UNC13C: variants seen among roughly 807,000 people sequenced by gnomAD.
UNC13C encodes protein unc-13 homolog C.
A neutral mutation model predicts 245.4 loss-of-function variants in UNC13C; 174 were observed. That is an observed-to-expected ratio of 0.71 (90% confidence interval 0.63 to 0.80). The LOEUF (loss-of-function observed/expected upper bound fraction) is 0.80, where lower values mean the gene tolerates loss of function less well. Ranked by LOEUF, UNC13C falls within the 30% of genes least tolerant of loss-of-function variation. UNC13C has a pLI of 0.00. For missense variants in UNC13C, 2,829 were observed against 2,602.9 expected (o/e 1.09, Z -1.89); for synonymous variants, 992 against 895.1 (o/e 1.11, Z -1.93).
At chr15:54,583,580 T>C (rs532674046) in intron 30 of UNC13C, among the ~76,000 whole-genome samples, 1 of 152,330 alleles carries the variant, frequency 6.6e-6, no homozygotes, top group Middle Eastern at 3.4e-3. Context: ...TTCCAATTAT[T>C]TTCAGTTCAG....
At chr15:54,419,250 G>A (rs1334696584) in intron 19 of UNC13C, among the ~76,000 whole-genome samples, 1 of 152,078 alleles carries the variant, frequency 6.6e-6, no homozygotes, top group East Asian at 1.9e-4. Flanking sequence ...ATCAGAGTAG[G>A]TATGTAATTA....
chr15:54,438,290 C>T (rs905749362), intron 19 of UNC13C, among the ~76,000 whole-genome samples: 3 of 151,866 alleles, frequency 2.0e-5, no homozygotes, highest in African/African-American at 4.8e-5. Context: ...GGCTCTGATT[C>T]CTCTACTAAA....
At chr15:54,448,367 T>A (rs12593660) in intron 19 of UNC13C, among the ~76,000 whole-genome samples, 60,492 of 151,928 alleles carry the variant, frequency 0.4, 12,333 homozygotes, top group East Asian at 0.62. Context: ...TAATGTTGAC[T>A]GTGGGGTGTT....
chr15:54,088,946 A>G (rs1473881425), intron 2 of UNC13C, among the ~76,000 whole-genome samples: 2 of 152,184 alleles, frequency 1.3e-5, no homozygotes, highest in Non-Finnish European at 2.9e-5. Flanking sequence ...TTGGGGTCAG[A>G]TAACTTGGCG....
intron 2 of UNC13C, among the ~76,000 whole-genome samples, chr15:54,082,109 G>C (rs1455044808): frequency 6.6e-6 from 1 of 152,092 alleles, no homozygotes; most frequent in Non-Finnish European, 1.5e-5. Context: ...GCTAAAAGTA[G>C]GCCCCTAATT....
At chr15:54,552,296 T>G in intron 28 of UNC13C, among the ~76,000 whole-genome samples, 1 of 131,196 alleles carries the variant, frequency 7.6e-6, no homozygotes. Flanking sequence ...TATATATAAT[T>G]ATATTGTACA....
the UNC13C span, among the ~76,000 whole-genome samples, chr15:53,899,350 A>G: frequency 1.3e-5 from 2 of 152,246 alleles, no homozygotes; most frequent in Non-Finnish European, 2.9e-5. Context: ...TTATAAACAC[A>G]TCATTTTCCT....
chr15:54,626,554 C>T (rs1901166862), intron 32 of UNC13C, among the ~76,000 whole-genome samples: 1 of 152,088 alleles, frequency 6.6e-6, no homozygotes, highest in Non-Finnish European at 1.5e-5. Context: ...TTTCCAACTC[C>T]ACCGCACCCG....
At position 54,476,063 on chromosome 15, in the gene UNC13C, G is replaced by A. The variant is rs900481426; in HGVS notation, c.4934-18545G>A. Among the ~76,000 whole-genome samples, 5 of 114,328 alleles carry A rather than the reference G, an allele frequency of 4.4e-5. 2 individuals are homozygous for A. The highest frequency in any genetic ancestry group is 1.7e-4 in the African/African-American group (5 of 30,168). The allele number at this position is 114,328 out of a possible 152,430, so 75.0% of individuals were successfully genotyped here. ...TTGCATTTCTCTGATGGCCAGTGAT[G>A]ATGAGCATTTTTTCATGTGTCTTTT... is the stretch of plus-strand genomic sequence containing the variant. On this transcript the variant is annotated intron_variant, in intron 19 of 32. Transcript: ENST00000260323.
In UNC13C at chr15:54,393,082, G is replaced by T. The variant is rs752243429; in HGVS notation, c.4748G>T (p.Gly1583Val). The T allele has an allele frequency of 1.9e-6, 3 of 1,609,400 alleles. No individual in the cohort carries two copies. Among genetic ancestry groups the T allele is most frequent in the Non-Finnish European group, 2.5e-6 (3 of 1,177,924 alleles). ...KKQDIPREDQ[G>V]PTTKNLDFWP... is the part of the protein sequence containing the mutation. Reference sequence around the variant, plus strand: ...CAGGATATTCCTCGTGAAGATCAGGGACCAACCACCAAGAATTTGGATTTT... The same window carrying T: ...CAGGATATTCCTCGTGAAGATCAGGTACCAACCACCAAGAATTTGGATTTT... The change falls in exon 18 of 33, where the codon GGA becomes GTA. Residue 1583 changes from glycine (G) to valine (V), a missense_variant. Coordinates refer to ENST00000260323, the MANE Select transcript of UNC13C (RefSeq NM_001080534.3).
At chr15:54,050,627 A>C in intron 2 of UNC13C, 1 of 444,878 alleles carries the variant, frequency 2.2e-6, no homozygotes, top group Non-Finnish European at 4.4e-6. Context: ...TATCATCAGA[A>C]CTTATGAGGA....
intron 4 of UNC13C, among the ~76,000 whole-genome samples, chr15:54,160,453 T>C (rs1261820093): frequency 6.6e-6 from 1 of 151,192 alleles, no homozygotes; most frequent in Non-Finnish European, 1.5e-5. Flanking sequence ...ATAGAAACTA[T>C]GATAAGTTGT....
chr15:54,567,642 C>T (rs59258545), intron 29 of UNC13C, among the ~76,000 whole-genome samples, 158 bp from the exon 30 acceptor site: 3,785 of 152,206 alleles, frequency 0.025, 179 homozygotes, highest in African/African-American at 0.085. Flanking sequence ...CTGAATTAGA[C>T]GTTAATAACT....
chr15:54,289,001 A>G (rs1414966431), intron 10 of UNC13C, among the ~76,000 whole-genome samples: 1 of 152,102 alleles, frequency 6.6e-6, no homozygotes, highest in East Asian at 1.9e-4. Context: ...CTCTTAAAGG[A>G]TGGTGCTGGA....
At chr15:54,364,100 A>C (rs2039301245) in intron 17 of UNC13C, among the ~76,000 whole-genome samples, 1 of 152,240 alleles carries the variant, frequency 6.6e-6, no homozygotes, top group African/African-American at 2.4e-5. Context: ...GCTGGAGAAC[A>C]GAAACATCAG....
chr15:54,269,116 T>A (rs1222821510), intron 10 of UNC13C, among the ~76,000 whole-genome samples: 1 of 151,926 alleles, frequency 6.6e-6, no homozygotes, highest in Non-Finnish European at 1.5e-5. Context: ...TGCAGCAAAC[T>A]ATCTACCTTG....
intron 17 of UNC13C, among the ~76,000 whole-genome samples, chr15:54,352,781 T>A (rs1478043999): frequency 6.6e-6 from 1 of 152,116 alleles, no homozygotes. Context: ...AGGAAATGAA[T>A]TGGTCCCTTT....
chr15:54,429,248 A>T (rs950019758), intron 19 of UNC13C, among the ~76,000 whole-genome samples: 3 of 151,782 alleles, frequency 2.0e-5, no homozygotes, highest in African/African-American at 7.2e-5. Flanking sequence ...TCATATTTCA[A>T]TAAAAAGTAA....
intron 19 of UNC13C, among the ~76,000 whole-genome samples, chr15:54,426,839 G>C (rs974998260): frequency 1.3e-5 from 2 of 151,714 alleles, no homozygotes; most frequent in African/African-American, 4.8e-5. Flanking sequence ...ATTGTTGTGA[G>C]GATTAAATTA....
Sources: allele counts gnomAD v4.1 joint callset (sites outside exome capture counted in the v4.1 genomes callset), GRCh38; gene constraint gnomAD v4.1.1; transcripts MANE v1.5; gene names NCBI Gene and HGNC (gene_info 2026-07-23, HGNC 2026-07-21).